RLBP1: variants seen among roughly 807,000 people sequenced by gnomAD.
RLBP1 encodes the protein retinaldehyde-binding protein 1.
RLBP1 carries 26 observed loss-of-function variants against 36.2 expected under a neutral mutation model. The ratio of observed to expected loss-of-function variants is 0.72; its 90% CI spans 0.53 to 1.00. The LOEUF (loss-of-function observed/expected upper bound fraction) is 1.00, where lower values mean the gene tolerates loss of function less well. Among genes scored for constraint, RLBP1 ranks in the 50% least tolerant of loss-of-function variants. The pLI is 0.00. For missense variants in RLBP1, 410 were observed against 402.4 expected, an observed-to-expected ratio of 1.02 and a Z score of -0.16; for synonymous variants, 155 against 156.2, an observed-to-expected ratio of 0.99 and a Z score of 0.06.
At position 89,210,628 on chromosome 15, in the gene RLBP1, G is replaced by A; in HGVS notation, c.795+71C>T. ...ACATAGCTCAGGACCATGGTAGAGTGTGAGGAGGGCTCAGGTGAGGCCCCA... is the reference window on the plus strand; with the variant it reads ...ACATAGCTCAGGACCATGGTAGAGTATGAGGAGGGCTCAGGTGAGGCCCCA... On this transcript the variant is annotated intron_variant, in intron 8 of 8. Coordinates refer to ENST00000268125, the MANE Select transcript of RLBP1 (RefSeq NM_000326.5). The surrounding 1 kb of genome is among the most constrained non-coding windows in gnomAD (Gnocchi z 4.7). The A allele has an allele frequency of 4.7e-6, 6 of 1,286,972 alleles. No homozygotes were observed. The highest frequency in any genetic ancestry group is 5.5e-6 in the Non-Finnish European group (5 of 903,586). The allele number at this position is 1,286,972 out of a possible 1,614,324, so 79.7% of individuals were successfully genotyped here. A position where few individuals can be genotyped will look rare whatever the true frequency, so the allele number is the denominator to read the frequency against.
chr15:89,217,417 G>T (rs1567124042), intron 4 of RLBP1, 93 bp from the exon 5 acceptor site: 3 of 1,305,678 alleles, frequency 2.3e-6, no homozygotes, highest in East Asian at 2.3e-5. Context: ...AGCTAGACCA[G>T]CCAAGGGGGC....
intron 5 of RLBP1, among the ~76,000 whole-genome samples, chr15:89,216,405 C>T (rs2051580427): frequency 6.6e-6 from 1 of 152,132 alleles, no homozygotes; most frequent in Non-Finnish European, 1.5e-5. Context: ...TCACCGCAAC[C>T]TCTGCCTCCT....
intron 6 of RLBP1, among the ~76,000 whole-genome samples, chr15:89,213,071 C>T (rs1362401745): frequency 2.0e-5 from 3 of 152,030 alleles, no homozygotes; most frequent in African/African-American, 4.8e-5. Flanking sequence ...ATATCACTTA[C>T]GTAATAAGAA....
rs1374048268 is a variant in RLBP1, at chr15:89,219,947, T to A, written c.-223-88A>T. On this transcript the variant is annotated intron_variant, in intron 1 of 8. Coordinates refer to ENST00000268125, the MANE Select transcript of RLBP1 (RefSeq NM_000326.5). Reference sequence around the variant, plus strand: ...GAACAGGTCCCATTCATGGCCCACATGACAACCTGCTTCCCCAGTGGGTAT... The same window carrying A: ...GAACAGGTCCCATTCATGGCCCACAAGACAACCTGCTTCCCCAGTGGGTAT... 1.3e-5 allele frequency: 2 copies of A among 152,262 alleles called. 1 individual carries two copies. The highest frequency in any genetic ancestry group is 4.8e-5 in the African/African-American group (2 of 41,464). The allele number at this position is 152,262 out of a possible 1,614,324, so 9.4% of individuals were successfully genotyped here.
chr15:89,216,989 G>T, intron 5 of RLBP1, 131 bp downstream of exon 5: 1 of 880,468 alleles, frequency 1.1e-6, no homozygotes, highest in Non-Finnish European at 1.8e-6. Context: ...TACAGGTAAG[G>T]ATGTGGAGGC....
At position 89,210,575 on chromosome 15, in the gene RLBP1, G is replaced by T. The variant is rs1184936910; in HGVS notation, c.795+124C>A. On this transcript the variant is annotated intron_variant, in intron 8 of 8. Coordinates refer to ENST00000268125, the MANE Select transcript of RLBP1 (RefSeq NM_000326.5). This position sits in a 1 kb window ranked among gnomAD's most constrained non-coding sequence, Gnocchi z 4.7. ...TGCCTGGCGACACCTCTCTCCGCAG[G>T]TCTCCATGTTGGGTGTCAGTGGGAT... 1.6e-6 allele frequency: 2 copies of T among 1,260,026 alleles called. No homozygotes were observed. Among genetic ancestry groups the T allele is most frequent in the Non-Finnish European group, 2.3e-6 (2 of 875,296 alleles). 78.1% of individuals were successfully genotyped at this position (1,260,026 alleles called of 1,614,324 possible). A position where few individuals can be genotyped will look rare whatever the true frequency, so the allele number is the denominator to read the frequency against.
Position 89,212,173 on chromosome 15 carries a change from T to G in RLBP1, c.526-272A>C, listed in dbSNP as rs577449815. On this transcript the variant is annotated intron_variant, in intron 6 of 8. Coordinates refer to ENST00000268125, the MANE Select transcript of RLBP1 (RefSeq NM_000326.5). The stretch of plus-strand genomic sequence containing the variant: ...GTCCAACAATGGGAACTGGTGAAAT[T>G]ATGGTACATTTATGCCATGGAATAC... 2.6e-5 allele frequency among the ~76,000 whole-genome samples: 4 copies of G among 152,320 alleles called. No individual in the cohort carries two copies. In the East Asian group the frequency reaches 7.7e-4, roughly 29 times the overall value.
chr15:89,219,186 C>T, intron 2 of RLBP1, 111 bp from the exon 3 acceptor site: 1 of 640,438 alleles, frequency 1.6e-6, no homozygotes, highest in Non-Finnish European at 2.8e-6. Context: ...GTGCCTGGGT[C>T]CCAACCTCCA....
In RLBP1 at chr15:89,214,740, T is replaced by C. The variant is rs1005646233; in HGVS notation, c.525+320A>G. ...CCTGTTCTCTCTGTTGCTCTCAGCA[T>C]TTAGCATGTGGCAGGGCAGCCCCCA... is the stretch of plus-strand genomic sequence containing the variant. On this transcript the variant is annotated intron_variant, in intron 6 of 8. Coordinates refer to ENST00000268125, the MANE Select transcript of RLBP1 (RefSeq NM_000326.5). The surrounding 1 kb of genome is among the most constrained non-coding windows in gnomAD (Gnocchi z 4.6). 6.6e-6 allele frequency among the ~76,000 whole-genome samples: 1 copy of C among 152,238 alleles called. No homozygotes were observed. Among genetic ancestry groups the C allele is most frequent in the African/African-American group, 2.4e-5 (1 of 41,472 alleles).
At chr15:89,212,905 T>G (rs1221940233) in intron 6 of RLBP1, among the ~76,000 whole-genome samples, 1 of 151,822 alleles carries the variant, frequency 6.6e-6, no homozygotes, top group Non-Finnish European at 1.5e-5. Flanking sequence ...ATTTTTGTAT[T>G]TTTAGTAGAG....
chr15:89,213,266 A>C (rs1276601214), intron 6 of RLBP1, among the ~76,000 whole-genome samples: 1 of 149,350 alleles, frequency 6.7e-6, no homozygotes, highest in Non-Finnish European at 1.5e-5. Flanking sequence ...AACCAATGCA[A>C]TCAATTTGTT....
chr15:89,211,631 G>T lies in RLBP1; in HGVS notation c.684+112C>A. On this transcript the variant is annotated intron_variant, in intron 7 of 8. Transcript: ENST00000268125. This position sits in a 1 kb window ranked among gnomAD's most constrained non-coding sequence, Gnocchi z 5.8. ...GACTGTGGCTGTCACTGCTCTTTAT[G>T]GCGCGAGGTGGTCCAACTTCTCAGT... is the stretch of plus-strand genomic sequence containing the variant. 9.3e-7 allele frequency: 1 copy of T among 1,072,982 alleles called. No homozygotes were observed. The highest frequency in any genetic ancestry group is 1.4e-6 in the Non-Finnish European group (1 of 721,396). 66.5% of individuals were successfully genotyped at this position (1,072,982 alleles called of 1,614,324 possible).
chr15:89,221,295 C>G (rs1041716195), intron 1 of RLBP1, among the ~76,000 whole-genome samples: 24 of 152,166 alleles, frequency 1.6e-4, no homozygotes, highest in African/African-American at 5.6e-4. Context: ...AGGCGTGAGC[C>G]TAAATGTGAA....
intron 6 of RLBP1, among the ~76,000 whole-genome samples, chr15:89,212,608 A>ATGTG (rs200928834): frequency 7.6e-6 from 1 of 131,194 alleles, no homozygotes; most frequent in African/African-American, 2.8e-5. Flanking sequence ...AAAAAGAAAA[A>ATGTG]TGTGTGTGTG....
In RLBP1 at chr15:89,219,794, AC is replaced by A. The variant is rs1470115199; in HGVS notation, c.-159del. 6.6e-6 allele frequency: 1 copy of A among 152,342 alleles called. No homozygotes were observed. Among genetic ancestry groups the A allele is most frequent in the Non-Finnish European group, 1.5e-5 (1 of 68,152 alleles). The allele number at this position is 152,342 out of a possible 1,614,324, so 9.4% of individuals were successfully genotyped here. Reference sequence around the variant, plus strand: ...CAGCCTGCTGTGGCGCAAAAGTTGGACCTGGGTTCAAGTTCTTCTCTTCCAC... The same window carrying A: ...CAGCCTGCTGTGGCGCAAAAGTTGGACTGGGTTCAAGTTCTTCTCTTCCAC... On this transcript the variant is annotated 5_prime_UTR_variant, in exon 2 of 9. Coordinates refer to ENST00000268125, the MANE Select transcript of RLBP1 (RefSeq NM_000326.5).
At chr15:89,213,451 CAAT>C (rs938684871) in intron 6 of RLBP1, among the ~76,000 whole-genome samples, 9 of 151,946 alleles carry the variant, frequency 5.9e-5, no homozygotes, top group Non-Finnish European at 8.8e-5. Flanking sequence ...AAAACAAAAA[CAAT>C]AACCTTCATT....
In RLBP1 at chr15:89,221,070, C is replaced by T. The variant is rs568691597; in HGVS notation, c.-224+465G>A. 2.0e-3 allele frequency among the ~76,000 whole-genome samples: 290 copies of T among 141,686 alleles called. 1 individual carries two copies. The highest frequency in any genetic ancestry group is 7.4e-3 in the African/African-American group (278 of 37,458). The allele number at this position is 141,686 out of a possible 152,430, so 93.0% of individuals were successfully genotyped here. ...TCGCCCAGGCTAGAGTGCAATGGTG[C>T]GATCTCAGCTCACTGCAACCTCTGC... is the stretch of plus-strand genomic sequence containing the variant. On this transcript the variant is annotated intron_variant, in intron 1 of 8. Transcript: ENST00000268125.
In RLBP1 at chr15:89,210,482, G is replaced by A; in HGVS notation, c.796-39C>T. ...AGGGAGACAGAACTGAGCAGGAGGA[G>A]GTGCCCTAAGGATGAGGGTTGAGGG... On this transcript the variant is annotated intron_variant, in intron 8 of 8. Coordinates refer to ENST00000268125, the MANE Select transcript of RLBP1 (RefSeq NM_000326.5). This position sits in a 1 kb window ranked among gnomAD's most constrained non-coding sequence, Gnocchi z 4.7. 1.9e-6 allele frequency: 3 copies of A among 1,611,010 alleles called. No homozygotes were observed. Among genetic ancestry groups the A allele is most frequent in the Non-Finnish European group, 8.5e-7 (1 of 1,177,456 alleles).
chr15:89,219,235 C>A (rs185912373), intron 2 of RLBP1, among the ~76,000 whole-genome samples, 160 bp from the exon 3 acceptor site: 4 of 152,314 alleles, frequency 2.6e-5, no homozygotes, highest in Non-Finnish European at 4.4e-5. Context: ...GGCCTAGGAA[C>A]CTGCAATTTA....
Sources: gnomAD v4.1 joint callset for allele counts (sites outside exome capture counted in the v4.1 genomes callset) on GRCh38, gnomAD v4.1.1 for gene constraint, Gnocchi (gnomAD v3.1) non-coding constraint, MANE v1.5 for transcripts, NCBI Gene and HGNC (gene_info 2026-07-23, HGNC 2026-07-21) for gene names.